The following NPAS1 variants were observed in gnomAD, a reference collection of about 807,000 sequenced individuals.
The protein encoded by NPAS1 is neuronal PAS domain protein 1.
A neutral mutation model predicts 49.2 loss-of-function variants in NPAS1; 29 were observed. The observed-to-expected ratio is 0.59, with a 90% confidence interval of 0.44 to 0.80. The LOEUF is 0.80. Ranked by LOEUF, NPAS1 falls within the 30% of genes least tolerant of loss-of-function variation. The pLI is 0.00. For missense variants in NPAS1, 825 were observed against 835.5 expected (o/e 0.99, Z 0.15); for synonymous variants, 408 against 380.4 (o/e 1.07, Z -0.84).
In NPAS1 at chr19:47,040,567, C is replaced by A. The variant is rs749618980; in HGVS notation, c.1069+17C>A. 4.0e-5 allele frequency: 61 copies of A among 1,526,522 alleles called. No individual in the cohort carries two copies. Among genetic ancestry groups the A allele is most frequent in the Non-Finnish European group, 4.9e-5 (55 of 1,121,540 alleles). 94.6% of individuals were successfully genotyped at this position (1,526,522 alleles called of 1,614,324 possible). Reference sequence around the variant, plus strand: ...ACGTGGACTGTGAGACCCACCTCCACCCACCAAGCCTGCCTACCACCCCCC... The same window carrying A: ...ACGTGGACTGTGAGACCCACCTCCAACCACCAAGCCTGCCTACCACCCCCC... On this transcript the variant is annotated intron_variant, in intron 9 of 11. Coordinates refer to ENST00000602212, the MANE Select transcript of NPAS1 (RefSeq NM_002517.4).
At chr19:47,036,732 A>ATAT (rs386389128) in intron 6 of NPAS1, among the ~76,000 whole-genome samples, 4 of 150,388 alleles carry the variant, frequency 2.7e-5, no homozygotes, top group African/African-American at 9.8e-5. Context: ...AAAAAAAAAA[A>ATAT]ATTAGCTGGG....
intron 8 of NPAS1, among the ~76,000 whole-genome samples, chr19:47,040,154 C>T (rs2057003072): frequency 6.6e-6 from 1 of 152,144 alleles, no homozygotes; most frequent in Non-Finnish European, 1.5e-5. Flanking sequence ...TCTCAAGTAG[C>T]TGGGATTATA....
rs891497888 is a variant in NPAS1 at position 47,020,990 on chromosome 19, C to G, written c.-42-16C>G. 2 of 1,497,226 alleles carry G rather than the reference C, an allele frequency of 1.3e-6. No homozygotes were observed. 92.7% of individuals were successfully genotyped at this position (1,497,226 alleles called of 1,614,324 possible). On this transcript the variant is annotated splice_polypyrimidine_tract_variant and intron_variant, in intron 1 of 11. Coordinates refer to ENST00000602212, the MANE Select transcript of NPAS1 (RefSeq NM_002517.4). ...CGAGGGCACTAAGCGTTGCCCCTGGCCCCCTCCCGCTGCAGGAGACTCGGG... is the reference window on the plus strand; with the variant it reads ...CGAGGGCACTAAGCGTTGCCCCTGGGCCCCTCCCGCTGCAGGAGACTCGGG...
intron 8 of NPAS1, 87 bp downstream of exon 8, chr19:47,039,651 T>C: frequency 7.1e-7 from 1 of 1,405,138 alleles, no homozygotes; most frequent in Middle Eastern, 2.1e-4. Context: ...GTGCTGGGTC[T>C]GCAGGATAGG....
intron 1 of NPAS1, chr19:47,020,761 C>T: frequency 4.8e-6 from 1 of 210,526 alleles, no homozygotes; most frequent in Non-Finnish European, 9.3e-6. Flanking sequence ...CCGGCGCGGG[C>T]GTGAGGCGGG....
intron 3 of NPAS1, among the ~76,000 whole-genome samples, chr19:47,028,351 A>G (rs2056886969): frequency 6.6e-6 from 1 of 151,900 alleles, no homozygotes; most frequent in Admixed American, 6.6e-5. Flanking sequence ...GCAGGGAGGA[A>G]CAGCCAGGAG....
intron 4 of NPAS1, 74 bp from the exon 5 acceptor site, chr19:47,032,569 C>T (rs2056914555): frequency 1.4e-6 from 2 of 1,411,916 alleles, no homozygotes; most frequent in Non-Finnish European, 2.0e-6. Context: ...GTTTCAGAAC[C>T]TCTTACCACT....
Position 47,043,089 on chromosome 19 carries a change from G to A in NPAS1, c.1312+185G>A, listed in dbSNP as rs113412630. Among the ~76,000 whole-genome samples the A allele has an allele frequency of 8.0e-3, 1,180 of 148,144 alleles. 11 individuals carry two copies. Among genetic ancestry groups the A allele is most frequent in the African/African-American group, 0.029 (1,146 of 40,096 alleles). On this transcript the variant is annotated intron_variant, in intron 11 of 11. Coordinates refer to ENST00000602212, the MANE Select transcript of NPAS1 (RefSeq NM_002517.4). The stretch of plus-strand genomic sequence containing the variant: ...TGGGAGGCCGAGGCAGGTGGATCAC[G>A]AGGTCAAGAGATCAAGACCAACATG...
chr19:47,033,650 C>T (rs1214413223), intron 5 of NPAS1, among the ~76,000 whole-genome samples: 1 of 152,078 alleles, frequency 6.6e-6, no homozygotes, highest in Non-Finnish European at 1.5e-5. Context: ...ACACTTGTTT[C>T]TTCTTAACAA....
chr19:47,036,107 G>A lies in NPAS1; in HGVS notation c.666G>A (p.Ser222=), dbSNP rs1327732562. The A allele has an allele frequency of 6.4e-7, 1 of 1,570,494 alleles. No individual in the cohort carries two copies. The highest frequency in any genetic ancestry group is 8.6e-7 in the Non-Finnish European group (1 of 1,158,300). ...SVSSSSSSSS[S]LADTPEIEAS... is the part of the protein sequence containing the mutation. ...CCTCTTCCTCCTCCTCTTCCTCTTCGCTTGCAGATACCCCCGAGATCGGTA... is the reference window on the plus strand; with the variant it reads ...CCTCTTCCTCCTCCTCTTCCTCTTCACTTGCAGATACCCCCGAGATCGGTA... Residue 222 remains serine (S), a synonymous_variant, in exon 6 of 12, where the codon TCG becomes TCA. Coordinates refer to ENST00000602212, the MANE Select transcript of NPAS1 (RefSeq NM_002517.4).
intron 10 of NPAS1, among the ~76,000 whole-genome samples, chr19:47,041,972 CCT>C (rs1351615079): frequency 9.5e-6 from 1 of 105,068 alleles, no homozygotes; most frequent in South Asian, 3.1e-4. Context: ...AGAGTGAGAC[CCT>C]GTCTCAAAAA....
chr19:47,020,876 A>C, intron 1 of NPAS1, 130 bp from the exon 2 acceptor site: 23 of 461,694 alleles, frequency 5.0e-5, no homozygotes, highest in Non-Finnish European at 5.7e-5. Context: ...AGGTAGGGGA[A>C]ACTGAGGCAT....
In NPAS1 at chr19:47,042,827, A is replaced by G. The variant is rs1183643004; in HGVS notation, c.1235A>G (p.Gln412Arg). ...SHVLSQAEGG[Q>R]TPLDAFQLPA... ...CTCCCCAGCCAAGCCGAGGGTGGCC[A>G]AACTCCTTTGGATGCCTTCCAGCTT... Residue 412 changes from glutamine (Q) to arginine (R), a missense_variant, in exon 11 of 12, where the codon CAA becomes CGA. Gln to Arg is a conservative substitution (Grantham distance 43). Coordinates refer to ENST00000602212, the MANE Select transcript of NPAS1 (RefSeq NM_002517.4). The G allele has an allele frequency of 6.2e-7, 1 of 1,605,100 alleles. No homozygotes were observed. The highest frequency in any genetic ancestry group is 1.3e-5 in the African/African-American group (1 of 74,404).
chr19:47,031,489 C>G (rs975668072), intron 3 of NPAS1, among the ~76,000 whole-genome samples: 2 of 151,044 alleles, frequency 1.3e-5, no homozygotes, highest in Admixed American at 6.7e-5. Context: ...TGAGCCACCT[C>G]GCCCAGCCTG....
rs762698994 is a variant in NPAS1 at position 47,036,004 on chromosome 19, C to T, written c.563C>T (p.Pro188Leu). 8.2e-6 allele frequency: 13 copies of T among 1,580,638 alleles called. No individual in the cohort carries two copies. The highest frequency in any genetic ancestry group is 1.1e-5 in the Non-Finnish European group (13 of 1,165,236). The change falls in exon 6 of 12, where the codon CCT (proline) becomes CTT (leucine). Residue 188 changes from proline (P) to leucine (L), a missense_variant. By Grantham distance (98) the Pro-to-Leu change is moderately conservative. Coordinates refer to ENST00000602212, the MANE Select transcript of NPAS1 (RefSeq NM_002517.4). ...TGSSVFDYIH[P>L]GDHSEVLEQL... ...AGCAGCGTCTTCGACTACATTCACC[C>T]TGGGGACCACTCAGAGGTGCTGGAG...
At position 47,035,979 on chromosome 19, in the gene NPAS1, A is replaced by G; in HGVS notation, c.538A>G (p.Ser180Gly). The G allele has an allele frequency of 1.3e-6, 2 of 1,529,568 alleles. No individual in the cohort carries two copies. The highest frequency in any genetic ancestry group is 2.8e-5 in the African/African-American group (2 of 72,136). The allele number at this position is 1,529,568 out of a possible 1,614,324, so 94.7% of individuals were successfully genotyped here. Residue 180 changes from serine to glycine, a missense_variant, in exon 6 of 12, where the codon AGC becomes GGC. Physicochemically the swap from Ser to Gly is moderately conservative, Grantham distance 56. Transcript: ENST00000602212. ...TCGCCGGCAGGTGGAGATGACGGGC[A>G]GCAGCGTCTTCGACTACATTCACCC... ...LGLSQVEMTG[S>G]SVFDYIHPGD... is the part of the protein sequence containing the mutation.
intron 3 of NPAS1, among the ~76,000 whole-genome samples, chr19:47,022,970 A>G (rs2056850626): frequency 6.6e-6 from 1 of 152,160 alleles, no homozygotes; most frequent in Non-Finnish European, 1.5e-5. Flanking sequence ...AGGGCACCCC[A>G]GGCTACCCCT....
intron 5 of NPAS1, among the ~76,000 whole-genome samples, chr19:47,033,975 TAAAAAAAA>T (rs532811476): frequency 4.0e-5 from 4 of 100,850 alleles, no homozygotes; most frequent in Admixed American, 2.2e-4. Context: ...GGCTATGCCT[TAAAAAAAA>T]AAAAAAAAAA....
At chr19:47,035,140 C>T (rs375844611) in intron 5 of NPAS1, among the ~76,000 whole-genome samples, 2 of 151,392 alleles carry the variant, frequency 1.3e-5, no homozygotes, top group African/African-American at 4.9e-5. Flanking sequence ...GAGATCGCGC[C>T]ATTGCACTCC....
Sources: allele counts gnomAD v4.1 joint callset (sites outside exome capture counted in the v4.1 genomes callset), GRCh38; gene constraint gnomAD v4.1.1; transcripts MANE v1.5; gene names NCBI Gene and HGNC (gene_info 2026-07-23, HGNC 2026-07-21).